Variants in TMEM117 observed in about 807,000 individuals in gnomAD.
TMEM117 encodes transmembrane protein 117.
Under a neutral mutation model 52.4 loss-of-function variants are expected in TMEM117, and 27 were observed. That is an observed-to-expected ratio of 0.51 (90% confidence interval 0.38 to 0.71). TMEM117 has a LOEUF of 0.71. Ranked by LOEUF, TMEM117 falls within the 30% of genes least tolerant of loss-of-function variation. The probability of loss-of-function intolerance (pLI) is 0.00; values close to 1 mark genes in which losing one functional copy is unlikely to be tolerated. For missense variants in TMEM117, 556 were observed against 630.5 expected (o/e 0.88, Z 1.26); for synonymous variants, 215 against 206.3 (o/e 1.04, Z -0.36).
intron 3 of TMEM117, among the ~76,000 whole-genome samples, chr12:44,103,579 C>T (rs747220774): frequency 3.5e-4 from 53 of 151,390 alleles, no homozygotes; most frequent in Non-Finnish European, 5.0e-4. Flanking sequence ...TTTTTCAGTT[C>T]TTCTCATTCC....
intron 7 of TMEM117, among the ~76,000 whole-genome samples, chr12:44,384,526 C>A (rs545777765): frequency 1.3e-5 from 2 of 152,190 alleles, no homozygotes; most frequent in East Asian, 3.9e-4. Context: ...AGGGCCAATA[C>A]TACTGCAAGC....
chr12:43,825,435 C>T, the TMEM117 span, among the ~76,000 whole-genome samples: 339 of 152,234 alleles, frequency 2.2e-3, 1 homozygote, highest in Non-Finnish European at 3.9e-3. Context: ...CACCACAGGG[C>T]CCTATCCATA....
chr12:44,082,636 A>G (rs868383118), intron 3 of TMEM117, among the ~76,000 whole-genome samples: 7 of 152,252 alleles, frequency 4.6e-5, no homozygotes, highest in Middle Eastern at 3.4e-3. Context: ...TCAAATAATA[A>G]TTATGTAACA....
intron 3 of TMEM117, among the ~76,000 whole-genome samples, chr12:44,140,665 G>A (rs906187227): frequency 6.6e-6 from 1 of 152,088 alleles, no homozygotes; most frequent in Non-Finnish European, 1.5e-5. Context: ...GGAGACAGTA[G>A]AAGCTGTTCA....
chr12:44,354,321 G>A lies in TMEM117; in HGVS notation c.769-22274G>A, dbSNP rs906086804. On this transcript the variant is annotated intron_variant, in intron 6 of 7. Transcript: ENST00000266534. ...CCTGATTGCCCTGGCCAGAACTTCC[G>A]GCCAGCATCATCCTGATACCAAAGC... Among the ~76,000 whole-genome samples, 28 of 151,434 alleles carry A rather than the reference G, an allele frequency of 1.8e-4. 1 individual carries two copies. Among genetic ancestry groups the A allele is most frequent in the African/African-American group, 5.1e-4 (21 of 41,270 alleles).
chr12:43,912,507 T>TTTTATATATATATATATA (rs1209075111), intron 2 of TMEM117, among the ~76,000 whole-genome samples: 2 of 132,098 alleles, frequency 1.5e-5, no homozygotes, highest in East Asian at 2.0e-4. Flanking sequence ...TAATAATAAT[T>TTTTATATATATATATATA]TATATATATA....
At chr12:43,934,217 C>T (rs1446654052) in intron 2 of TMEM117, among the ~76,000 whole-genome samples, 1 of 152,082 alleles carries the variant, frequency 6.6e-6, no homozygotes, top group Non-Finnish European at 1.5e-5. Context: ...ATTAATATAG[C>T]ATTCTTTTTA....
At chr12:44,029,783 G>A (rs956046777) in intron 3 of TMEM117, among the ~76,000 whole-genome samples, 1 of 151,556 alleles carries the variant, frequency 6.6e-6, no homozygotes, top group African/African-American at 2.4e-5. Flanking sequence ...TAGAACACAG[G>A]CTTAGGACAC....
At chr12:44,046,606 C>T (rs1419222593) in intron 3 of TMEM117, among the ~76,000 whole-genome samples, 2 of 152,072 alleles carry the variant, frequency 1.3e-5, no homozygotes, top group Non-Finnish European at 2.9e-5. Context: ...TTGCTGAAGG[C>T]AAAGGGAATA....
intron 2 of TMEM117, among the ~76,000 whole-genome samples, chr12:43,871,997 G>A (rs1301568624): frequency 1.3e-5 from 2 of 152,152 alleles, no homozygotes; most frequent in Non-Finnish European, 2.9e-5. Context: ...GGGTTCAGGT[G>A]ATCCTCCCGC....
At chr12:44,183,748 G>A (rs1164611460) in intron 4 of TMEM117, among the ~76,000 whole-genome samples, 1 of 152,160 alleles carries the variant, frequency 6.6e-6, no homozygotes, top group East Asian at 1.9e-4. Flanking sequence ...GTGGGAAAGG[G>A]GGCGGGACTG....
chr12:43,896,624 A>AT lies in TMEM117; in HGVS notation c.278-47575dup, dbSNP rs11302487. Among the ~76,000 whole-genome samples, 154 of 150,310 alleles carry AT rather than the reference A, an allele frequency of 1.0e-3. No individual in the cohort carries two copies. The Middle Eastern group carries it at 0.017, about 17-fold the overall frequency. On this transcript the variant is annotated intron_variant, in intron 2 of 7. Transcript: ENST00000266534. ...CTTCTAGGTTGCCTGAAATAAACAC[A>AT]TTTTTTTTTTTGTGGTCCACACTTC...
At chr12:44,094,576 G>A (rs1439104224) in intron 3 of TMEM117, among the ~76,000 whole-genome samples, 3 of 152,030 alleles carry the variant, frequency 2.0e-5, no homozygotes, top group Non-Finnish European at 4.4e-5. Context: ...ATTCTAGATG[G>A]TTGATAAAAG....
intron 2 of TMEM117, among the ~76,000 whole-genome samples, chr12:43,877,789 T>A (rs542901357): frequency 6.6e-6 from 1 of 152,158 alleles, no homozygotes; most frequent in Admixed American, 6.5e-5. Flanking sequence ...ATGTAGCCCT[T>A]GGTTTAGATC....
chr12:44,005,647 C>G (rs1281517299), intron 3 of TMEM117, among the ~76,000 whole-genome samples: 1 of 152,142 alleles, frequency 6.6e-6, no homozygotes, highest in Admixed American at 6.6e-5. Context: ...AATCTCCAGG[C>G]CTTCTTGCAG....
At chr12:44,206,260 C>G (rs1008554918) in intron 4 of TMEM117, among the ~76,000 whole-genome samples, 1 of 152,180 alleles carries the variant, frequency 6.6e-6, no homozygotes, top group Non-Finnish European at 1.5e-5. Context: ...CTCGCTCATG[C>G]TATTGTTTGT....
chr12:44,361,939 G>T (rs1420808243), intron 6 of TMEM117, among the ~76,000 whole-genome samples: 2 of 152,112 alleles, frequency 1.3e-5, no homozygotes, highest in African/African-American at 4.8e-5. Flanking sequence ...GAGTGCACAT[G>T]GGTTTTCATT....
At chr12:44,056,296 A>G (rs1443542893) in intron 3 of TMEM117, among the ~76,000 whole-genome samples, 1 of 152,120 alleles carries the variant, frequency 6.6e-6, no homozygotes, top group Non-Finnish European at 1.5e-5. Flanking sequence ...GCTTTTTGTA[A>G]TGTGCCACTG....
At chr12:43,932,298 GGTA>G (rs1167480131) in intron 2 of TMEM117, among the ~76,000 whole-genome samples, 1 of 148,870 alleles carries the variant, frequency 6.7e-6, no homozygotes, top group Non-Finnish European at 1.5e-5. Context: ...AAAATTCTTT[GGTA>G]GTCAGATTTA....
Sources: gnomAD v4.1 joint callset for allele counts (sites outside exome capture counted in the v4.1 genomes callset) on GRCh38, gnomAD v4.1.1 for gene constraint, MANE v1.5 for transcripts, NCBI Gene and HGNC (gene_info 2026-07-23, HGNC 2026-07-21) for gene names.